Variants in PKP1 observed in about 807,000 individuals in gnomAD.
PKP1 encodes the protein plakophilin 1, also known as plakophilin-1.
Under a neutral mutation model 76.4 loss-of-function variants are expected in PKP1, and 27 were observed. That is an observed-to-expected ratio of 0.35 (90% CI 0.26 to 0.49). PKP1 has a LOEUF of 0.49. Ranked by LOEUF, PKP1 falls within the 20% of genes least tolerant of loss-of-function variation. PKP1 has a pLI of 0.99. For missense variants in PKP1, 964 were observed against 955.2 expected (o/e 1.01, Z -0.12); for synonymous variants, 404 against 384.2 (o/e 1.05, Z -0.60).
At chr1:201,312,690 C>T (rs1213770748) in intron 2 of PKP1, among the ~76,000 whole-genome samples, 1 of 152,176 alleles carries the variant, frequency 6.6e-6, no homozygotes, top group Non-Finnish European at 1.5e-5. Context: ...TATTTAGACC[C>T]GTTCTGTGTC....
At chr1:201,310,907 T>C (rs1419696167) in intron 2 of PKP1, among the ~76,000 whole-genome samples, 1 of 152,226 alleles carries the variant, frequency 6.6e-6, no homozygotes, top group Non-Finnish European at 1.5e-5. Flanking sequence ...CAGCCCACCC[T>C]TGCTGAGACT....
chr1:201,307,873 G>A (rs1475247162), intron 2 of PKP1, among the ~76,000 whole-genome samples: 3 of 152,230 alleles, frequency 2.0e-5, no homozygotes, highest in Non-Finnish European at 4.4e-5. Context: ...CATGAAAAGG[G>A]CCTTGGGAGA....
intron 1 of PKP1, among the ~76,000 whole-genome samples, chr1:201,293,672 CAGCAGTGG>C (rs940761279): frequency 1.2e-4 from 19 of 152,312 alleles, no homozygotes; most frequent in South Asian, 2.1e-4. Flanking sequence ...CCTACCCAAG[CAGCAGTGG>C]AGCCACTGGG....
chr1:201,302,858 G>A (rs762419172), intron 2 of PKP1, among the ~76,000 whole-genome samples: 3 of 152,200 alleles, frequency 2.0e-5, no homozygotes, highest in East Asian at 1.9e-4. Flanking sequence ...ATCACAGGCT[G>A]CCGAACTGCC....
In PKP1 at chr1:201,283,617, C is replaced by A. The variant is rs117651274; in HGVS notation, c.-86C>A. On this transcript the variant is annotated 5_prime_UTR_variant, in exon 1 of 14. Transcript: ENST00000367324. ...GGAGCCGCTGAGAGCGAGAAGAGCA[C>A]GCTCCTGCCCGCCCGCTGCACCGCA... The A allele has an allele frequency of 1.5e-3, 1,806 of 1,196,480 alleles. 35 individuals are homozygous for A. The East Asian group carries it at 0.038, about 25-fold the overall frequency. 74.1% of individuals were successfully genotyped at this position (1,196,480 alleles called of 1,614,324 possible). A position where few individuals can be genotyped will look rare whatever the true frequency, so the allele number is the denominator to read the frequency against.
In PKP1 at chr1:201,317,799, G is replaced by A. The variant is rs377369198; in HGVS notation, c.1054+20G>A. ...TGACTGGTAGGACAACACGGCCACC[G>A]AGAGCCAGCCTGAGGGCTGTGCAAG... On this transcript the variant is annotated intron_variant, in intron 5 of 13. Coordinates refer to ENST00000367324, the MANE Select transcript of PKP1 (RefSeq NM_001005337.3). 6.3e-5 allele frequency: 101 copies of A among 1,608,428 alleles called. 1 individual carries two copies. The African/African-American group carries it at 9.2e-4, about 15-fold the overall frequency.
chr1:201,316,745 GGT>G (rs1656763752), intron 4 of PKP1, 48 bp downstream of exon 4: 2 of 1,607,078 alleles, frequency 1.2e-6, no homozygotes, highest in Non-Finnish European at 1.7e-6. Context: ...GGAGGGCCTG[GGT>G]GTGTCAGCCT....
rs58828153 is a variant in PKP1 at position 201,332,583 on chromosome 1, G to A, written c.*2542G>A. ...CCAAAATAAGGAGTTCCAATTTGGGGCCAAATGAGGAAGGACACAGACTCT... is the reference window on the plus strand; with the variant it reads ...CCAAAATAAGGAGTTCCAATTTGGGACCAAATGAGGAAGGACACAGACTCT... On this transcript the variant is annotated 3_prime_UTR_variant, in exon 14 of 14. Coordinates refer to ENST00000367324, the MANE Select transcript of PKP1 (RefSeq NM_001005337.3). The A allele has an allele frequency of 0.1, 15,705 of 152,050 alleles. 879 individuals are homozygous for A. Among genetic ancestry groups the A allele is most frequent in the Middle Eastern group, 0.14 (41 of 294 alleles). The allele number at this position is 152,050 out of a possible 1,614,324, so 9.4% of individuals were successfully genotyped here.
intron 2 of PKP1, among the ~76,000 whole-genome samples, chr1:201,299,207 A>G (rs1656154649): frequency 6.6e-6 from 1 of 152,204 alleles, no homozygotes; most frequent in Non-Finnish European, 1.5e-5. Flanking sequence ...TTTGGCCAGG[A>G]ACTTCACTAG....
chr1:201,294,556 A>C (rs191759176), intron 2 of PKP1, among the ~76,000 whole-genome samples: 40 of 152,264 alleles, frequency 2.6e-4, no homozygotes, highest in Non-Finnish European at 4.4e-5. Flanking sequence ...TCTGCTACTC[A>C]CTGAGATGTG....
At chr1:201,293,104 G>T (rs1242082905) in intron 1 of PKP1, among the ~76,000 whole-genome samples, 4 of 152,180 alleles carry the variant, frequency 2.6e-5, no homozygotes, top group Admixed American at 2.6e-4. Flanking sequence ...GTAAAGTGGT[G>T]AGCCTGTCAC....
intron 3 of PKP1, among the ~76,000 whole-genome samples, chr1:201,315,812 T>C (rs986939979): frequency 2.0e-5 from 3 of 152,226 alleles, no homozygotes; most frequent in Non-Finnish European, 4.4e-5. Flanking sequence ...GCTGATGGTT[T>C]CTGAGCTAGA....
intron 10 of PKP1, 53 bp downstream of exon 10, chr1:201,324,634 C>A (rs1657054244): frequency 6.3e-7 from 1 of 1,593,704 alleles, no homozygotes; most frequent in Non-Finnish European, 8.6e-7. Flanking sequence ...AGGCTCCCTA[C>A]AATTCAAGCC....
At chr1:201,295,617 T>C (rs1656049350) in intron 2 of PKP1, among the ~76,000 whole-genome samples, 1 of 152,248 alleles carries the variant, frequency 6.6e-6, no homozygotes, top group Non-Finnish European at 1.5e-5. Flanking sequence ...TGTCTTTACT[T>C]AAATGACATT....
chr1:201,318,496 G>T, intron 5 of PKP1, 122 bp from the exon 6 acceptor site: 1 of 808,912 alleles, frequency 1.2e-6, no homozygotes, highest in Non-Finnish European at 2.1e-6. Context: ...ACAGACCAGG[G>T]CTACCTGGAA....
chr1:201,322,354 G>A (rs1656974036), intron 8 of PKP1, among the ~76,000 whole-genome samples: 1 of 152,216 alleles, frequency 6.6e-6, no homozygotes, highest in African/African-American at 2.4e-5. Context: ...AACTGTAGGG[G>A]CTCAGACCAC....
rs148461275 is a variant in PKP1 at position 201,322,050 on chromosome 1, C to T, written c.1420C>T (p.Arg474Cys). 5.1e-5 allele frequency: 82 copies of T among 1,613,846 alleles called. 1 individual carries two copies. Among genetic ancestry groups the T allele is most frequent in the South Asian group, 2.4e-4 (22 of 91,076 alleles). ...GGACGCCGAGGTGCCCACCCGCTAC[C>T]GCCAGCTGGAGTATAACGCCCGCAA... Reference protein sequence around the residue: ...RLDAEVPTRYRQLEYNARNAY... With the variant: ...RLDAEVPTRYCQLEYNARNAY... The change falls in exon 8 of 14, where the codon CGC becomes TGC. Residue 474 changes from arginine (R) to cysteine (C), a missense_variant. Arg to Cys is a radical substitution (Grantham distance 180). Coordinates refer to ENST00000367324, the MANE Select transcript of PKP1 (RefSeq NM_001005337.3).
At chr1:201,291,649 G>C (rs913096814) in intron 1 of PKP1, among the ~76,000 whole-genome samples, 7 of 152,180 alleles carry the variant, frequency 4.6e-5, no homozygotes, top group African/African-American at 9.7e-5. Flanking sequence ...ATAAAGTTCT[G>C]TCTGTCACCA....
At chr1:201,288,156 C>T (rs1655792089) in intron 1 of PKP1, among the ~76,000 whole-genome samples, 1 of 152,126 alleles carries the variant, frequency 6.6e-6, no homozygotes, top group African/African-American at 2.4e-5. Context: ...AAGTCGCTGC[C>T]TCTCTTTGGG....
Sources: allele counts gnomAD v4.1 joint callset (sites outside exome capture counted in the v4.1 genomes callset), GRCh38; gene constraint gnomAD v4.1.1; transcripts MANE v1.5; gene names NCBI Gene and HGNC (gene_info 2026-07-23, HGNC 2026-07-21).